The following C16orf89 variants were observed in gnomAD, a reference collection of about 807,000 sequenced individuals.
C16orf89 encodes UPF0764 protein C16orf89.
A neutral mutation model predicts 41.5 loss-of-function variants in C16orf89; 57 were observed. That is an observed-to-expected ratio of 1.38 (90% CI 1.11 to 1.71). The LOEUF (loss-of-function observed/expected upper bound fraction) is 1.71. C16orf89 is among the 40% of genes most tolerant of loss of function. The probability of loss-of-function intolerance (pLI) is 0.00; values close to 1 mark genes in which losing one functional copy is unlikely to be tolerated. For missense variants in C16orf89, 575 were observed against 445.9 expected (o/e 1.29, Z -2.61); for synonymous variants, 223 against 190.6 (o/e 1.17, Z -1.40).
At chr16:5,048,266 C>G (rs1956337541) in intron 6 of C16orf89, among the ~76,000 whole-genome samples, 1 of 152,140 alleles carries the variant, frequency 6.6e-6, no homozygotes, top group Admixed American at 6.5e-5. Context: ...AACTCCTGAG[C>G]TCAAGTGACC....
chr16:5,059,010 C>T (rs1956564753), intron 3 of C16orf89, among the ~76,000 whole-genome samples: 1 of 152,076 alleles, frequency 6.6e-6, no homozygotes, highest in Non-Finnish European at 1.5e-5. Flanking sequence ...GAGGCTGAGG[C>T]AGGCAAGTCA....
rs561628624 is a variant in C16orf89, at chr16:5,063,656, C to A, written c.209-1082G>T. 7.6e-4 allele frequency among the ~76,000 whole-genome samples: 115 copies of A among 152,284 alleles called. 1 individual carries two copies. Among genetic ancestry groups the A allele is most frequent in the Admixed American group, 1.8e-3 (28 of 15,294 alleles). ...GGAGTGTGAACCCTGTTGTGAATTG[C>A]ACATACGAGGGATCTAGGCTGCACA... On this transcript the variant is annotated intron_variant, in intron 1 of 7. Transcript: ENST00000472572.
chr16:5,060,153 A>G, intron 3 of C16orf89, 133 bp downstream of exon 3: 1 of 1,107,582 alleles, frequency 9.0e-7, no homozygotes, highest in Non-Finnish European at 1.2e-6. Context: ...CCCGGCAGCT[A>G]CAGGGAGCTG....
chr16:5,055,390 CA>C, intron 5 of C16orf89, 40 bp from the exon 6 acceptor site: 1 of 1,507,132 alleles, frequency 6.6e-7, no homozygotes, highest in Non-Finnish European at 9.1e-7. Flanking sequence ...GCCTGCCCCC[CA>C]GGCCCACCTC....
chr16:5,055,352 TG>T lies in C16orf89; in HGVS notation c.764-3del. On this transcript the variant is annotated splice_region_variant and splice_polypyrimidine_tract_variant and intron_variant, in intron 5 of 7. Coordinates refer to ENST00000472572, the MANE Select transcript of C16orf89 (RefSeq NM_001098514.3). ...AGCCGCCCATTCCACAGAACATGAC[TG>T]GAAGTAAAGACGGGGGCCCTCTGCA... The T allele has an allele frequency of 6.2e-7, 1 of 1,605,526 alleles. No individual in the cohort carries two copies. Among genetic ancestry groups the T allele is most frequent in the Non-Finnish European group, 8.5e-7 (1 of 1,174,788 alleles).
chr16:5,055,586 G>C, intron 5 of C16orf89: 2 of 1,264,500 alleles, frequency 1.6e-6, no homozygotes, highest in Non-Finnish European at 2.2e-6. Context: ...TCCAAAGTCA[G>C]GATCAGTGGA....
intron 6 of C16orf89, among the ~76,000 whole-genome samples, chr16:5,052,027 C>G (rs746891588): frequency 6.8e-6 from 1 of 147,668 alleles, no homozygotes; most frequent in Admixed American, 7.0e-5. Context: ...CGCTTGAACC[C>G]GAGAGGTGGA....
In C16orf89 at chr16:5,057,616, C is replaced by T. The variant is rs1956538299; in HGVS notation, c.627+877G>A. Among the ~76,000 whole-genome samples, 3 of 151,578 alleles carry T rather than the reference C, an allele frequency of 2.0e-5. No individual in the cohort carries two copies. The South Asian group carries it at 6.2e-4, about 31-fold the overall frequency. ...TGATCTCAGCTCACTACAGCCTCTG[C>T]CTCTCTGGTTCAAGCGATTCTCCTG... is the stretch of plus-strand genomic sequence containing the variant. On this transcript the variant is annotated intron_variant, in intron 4 of 7. Coordinates refer to ENST00000472572, the MANE Select transcript of C16orf89 (RefSeq NM_001098514.3).
intron 2 of C16orf89, among the ~76,000 whole-genome samples, chr16:5,061,831 G>A (rs1269458969): frequency 4.6e-5 from 7 of 152,112 alleles, no homozygotes; most frequent in Non-Finnish European, 1.0e-4. Flanking sequence ...GCAGCATGAT[G>A]GACTGGTTAT....
rs185451915 is a variant in C16orf89 at position 5,064,414 on chromosome 16, G to C, written c.208+1287C>G. Among the ~76,000 whole-genome samples, 4 of 152,312 alleles carry C rather than the reference G, an allele frequency of 2.6e-5. No individual in the cohort carries two copies. The East Asian group carries it at 7.7e-4, about 29-fold the overall frequency. On this transcript the variant is annotated intron_variant, in intron 1 of 7. Coordinates refer to ENST00000472572, the MANE Select transcript of C16orf89 (RefSeq NM_001098514.3). Reference sequence around the variant, plus strand: ...AACAGTAATGGCTGACAAGTACTGAGCCCCACTGGTAAGATGACATATACA... The same window carrying C: ...AACAGTAATGGCTGACAAGTACTGACCCCCACTGGTAAGATGACATATACA...
At chr16:5,051,426 G>T (rs1171030724) in intron 6 of C16orf89, among the ~76,000 whole-genome samples, 1 of 152,000 alleles carries the variant, frequency 6.6e-6, no homozygotes, top group African/African-American at 2.4e-5. Flanking sequence ...AGCAGAAAAA[G>T]AAATCAAGAA....
At position 5,056,150 on chromosome 16, in the gene C16orf89, G is replaced by A; in HGVS notation, c.666C>T (p.Asp222=). The change falls in exon 5 of 8, where the codon GAC becomes GAT. Residue 222 remains aspartate (D), a synonymous_variant. Transcript: ENST00000472572. The part of the protein sequence containing the change: ...CTQGPLQQSQ[D]YINLFCANMM... ...TGTTGGCGCAGAAGAGGTTGATATA[G>A]TCCTGGCTCTGTTGGAGTGGTCCCT... 6.3e-7 allele frequency: 1 copy of A among 1,595,472 alleles called. No homozygotes were observed. The highest frequency in any genetic ancestry group is 8.6e-7 in the Non-Finnish European group (1 of 1,164,204).
rs374416709 is a variant in C16orf89 at position 5,060,006 on chromosome 16, C to T, written c.509+280G>A. Among the ~76,000 whole-genome samples the T allele has an allele frequency of 3.7e-4, 57 of 152,056 alleles. 1 individual carries two copies. The South Asian group carries it at 1.0e-2, about 27-fold the overall frequency. ...CTAGGGGCCTGGAGACTTGGAACTGCGGAGAGGAATTGGGGATTTGTCCTG... is the reference window on the plus strand; with the variant it reads ...CTAGGGGCCTGGAGACTTGGAACTGTGGAGAGGAATTGGGGATTTGTCCTG... On this transcript the variant is annotated intron_variant, in intron 3 of 7. Transcript: ENST00000472572.
intron 6 of C16orf89, 135 bp from the exon 7 acceptor site, chr16:5,048,099 C>T: frequency 1.6e-6 from 1 of 610,542 alleles, no homozygotes. Context: ...GCAATCATAG[C>T]TCACCACAAC....
chr16:5,060,555 C>CT, intron 2 of C16orf89, 119 bp from the exon 3 acceptor site: 1 of 1,037,408 alleles, frequency 9.6e-7, no homozygotes, highest in East Asian at 2.7e-5. Flanking sequence ...GCTCAGGGCT[C>CT]TAAGCCCTGT....
At chr16:5,053,234 G>C (rs1956429919) in intron 6 of C16orf89, among the ~76,000 whole-genome samples, 1 of 152,096 alleles carries the variant, frequency 6.6e-6, no homozygotes, top group Non-Finnish European at 1.5e-5. Flanking sequence ...GCTGGGCGTG[G>C]TGGCATGCAC....
At chr16:5,054,789 G>T (rs1567154261) in intron 6 of C16orf89, among the ~76,000 whole-genome samples, 2 of 152,198 alleles carry the variant, frequency 1.3e-5, no homozygotes, top group Non-Finnish European at 2.9e-5. Context: ...TCACAGATCT[G>T]ATGGTTTTAT....
intron 7 of C16orf89, among the ~76,000 whole-genome samples, chr16:5,045,838 T>C (rs1956286070): frequency 6.6e-6 from 1 of 152,130 alleles, no homozygotes; most frequent in South Asian, 2.1e-4. Context: ...CGTGGGCTTG[T>C]GTCATAAGTG....
chr16:5,056,645 C>G (rs75574520), intron 4 of C16orf89, among the ~76,000 whole-genome samples: 2,416 of 152,176 alleles, frequency 0.016, 64 homozygotes, highest in African/African-American at 0.055. Flanking sequence ...GGGCCAAGAA[C>G]CGGGCTGGTG....
Sources: gnomAD v4.1 joint callset for allele counts (sites outside exome capture counted in the v4.1 genomes callset) on GRCh38, gnomAD v4.1.1 for gene constraint, MANE v1.5 for transcripts, NCBI Gene and HGNC (gene_info 2026-07-23, HGNC 2026-07-21) for gene names.